MED23: variants seen among roughly 807,000 people sequenced by gnomAD.
MED23 encodes the protein mediator complex subunit 23.
In MED23, 105 loss-of-function variants were observed where a neutral mutation model predicts 163.9. That is an observed-to-expected ratio of 0.64 (90% CI 0.55 to 0.75). MED23 has a LOEUF of 0.75. Among genes scored for constraint, MED23 ranks in the 30% least tolerant of loss-of-function variants. The pLI is 0.00. For synonymous variants in MED23, 561 were observed against 565.6 expected (o/e 0.99, Z 0.12); for missense variants, 1,054 against 1,649.0 (o/e 0.64, Z 6.25).
At position 131,590,553 on chromosome 6, in the gene MED23, C is replaced by T. The variant is rs979223656; in HGVS notation, c.3687-111G>A. On this transcript the variant is annotated intron_variant, in intron 26 of 28. Coordinates refer to ENST00000368068, the MANE Select transcript of MED23 (RefSeq NM_004830.4). ...CAATAAAATATAATTTTTTAAAGTTCCTTTTAATTTGGTAACAATAATATT... is the reference window on the plus strand; with the variant it reads ...CAATAAAATATAATTTTTTAAAGTTTCTTTTAATTTGGTAACAATAATATT... 2.0e-5 allele frequency: 14 copies of T among 687,896 alleles called. No individual in the cohort carries two copies. In the African/African-American group the frequency reaches 2.2e-4, roughly 11 times the overall value. 42.6% of individuals were successfully genotyped at this position (687,896 alleles called of 1,614,324 possible).
In MED23 at chr6:131,592,953, C is replaced by A. The variant is rs562894778; in HGVS notation, c.3398+53G>T. 8.0e-5 allele frequency: 127 copies of A among 1,589,744 alleles called. 1 individual carries two copies. The South Asian group carries it at 1.3e-3, about 17-fold the overall frequency. ...GTCTTAAAAGTTTGAAATAGAATAC[C>A]ATTCTATTTACAAATAAACAACAAA... On this transcript the variant is annotated intron_variant, in intron 24 of 28. Transcript: ENST00000368068.
chr6:131,598,603 G>A lies in MED23; in HGVS notation c.2379C>T (p.Leu793=). The part of the protein sequence containing the change: ...QGSPPLFLCL[L]WKMLLETDHI... ...GATCTGTTTCCAAGAGCATTTTCCAGAGAAGACAAAGAAAGAGAGGAGGGG... is the reference window on the plus strand; with the variant it reads ...GATCTGTTTCCAAGAGCATTTTCCAAAGAAGACAAAGAAAGAGAGGAGGGG... Residue 793 remains leucine (L), a synonymous_variant, in exon 19 of 29, where the codon CTC becomes CTT. Transcript: ENST00000368068. This position sits in a 1 kb window ranked among gnomAD's most constrained non-coding sequence, Gnocchi z 4.7. 4 of 1,614,146 alleles carry A rather than the reference G, an allele frequency of 2.5e-6. No homozygotes were observed. The highest frequency in any genetic ancestry group is 3.4e-6 in the Non-Finnish European group (4 of 1,180,024).
intron 20 of MED23, among the ~76,000 whole-genome samples, chr6:131,597,814 A>T (rs1347427094): frequency 6.6e-6 from 1 of 152,186 alleles, no homozygotes; most frequent in Middle Eastern, 3.2e-3. Context: ...GGCTGGAAGC[A>T]GTAGCTCACG....
chr6:131,628,307 C>G, upstream of MED23: 2 of 534,566 alleles, frequency 3.7e-6, no homozygotes, highest in South Asian at 2.1e-5. Flanking sequence ...CAGAAGGTTC[C>G]GTCTGTGGAG....
At chr6:131,604,860 T>C (rs1775741588) in intron 14 of MED23, among the ~76,000 whole-genome samples, 1 of 152,172 alleles carries the variant, frequency 6.6e-6, no homozygotes, top group Admixed American at 6.5e-5. Context: ...AGTGGTTGTT[T>C]CAAATTTGAG....
downstream of MED23, chr6:131,583,892 T>C (rs73544627): frequency 1.8e-4 from 293 of 1,614,084 alleles, no homozygotes; most frequent in African/African-American, 3.5e-3. Flanking sequence ...ATTGACTACC[T>C]TAACCCACCT....
intron 10 of MED23, chr6:131,615,454 G>A: frequency 1.6e-6 from 1 of 636,380 alleles, no homozygotes; most frequent in East Asian, 6.0e-5. Flanking sequence ...CCCAGAGTCA[G>A]CACAAACCCT....
At position 131,591,405 on chromosome 6, in the gene MED23, C is replaced by G. The variant is rs774160315; in HGVS notation, c.3594G>C (p.Gln1198His). 1 of 1,613,810 alleles carries G rather than the reference C, an allele frequency of 6.2e-7. No individual in the cohort carries two copies. The highest frequency in any genetic ancestry group is 8.5e-7 in the Non-Finnish European group (1 of 1,179,802). The change falls in exon 26 of 29, where the codon CAG becomes CAC. Residue 1198 changes from glutamine to histidine, a missense_variant. By Grantham distance (24) the Gln-to-His change is conservative (BLOSUM62 0). This residue lies in a region of MED23 where 362 missense variants were observed against 471.6 expected (regional missense o/e 0.77). Coordinates refer to ENST00000368068, the MANE Select transcript of MED23 (RefSeq NM_004830.4). ...AGCTACAACTCATCTCAGAGTAGGA[C>G]TGATGACAGGCAGTGAAATCAAAGA... ...FRLFDFTACH[Q>H]SYSEMSCSYT...
At chr6:131,625,942 G>A (rs1476319705) in intron 3 of MED23, among the ~76,000 whole-genome samples, 1 of 151,754 alleles carries the variant, frequency 6.6e-6, no homozygotes, top group Non-Finnish European at 1.5e-5. Flanking sequence ...CTAACACGAT[G>A]AAACCCCGTC....
intron 5 of MED23, among the ~76,000 whole-genome samples, chr6:131,623,095 C>A (rs1309089097): frequency 6.6e-6 from 1 of 152,164 alleles, no homozygotes; most frequent in Non-Finnish European, 1.5e-5. Flanking sequence ...TGAAGGAACA[C>A]GGATTCTGCT....
intron 17 of MED23, among the ~76,000 whole-genome samples, chr6:131,601,839 TAATA>T (rs1234305726): frequency 9.9e-5 from 15 of 151,882 alleles, no homozygotes; most frequent in African/African-American, 1.9e-4. Flanking sequence ...AAAAACAAAT[TAATA>T]AATATTTTTA....
rs1777042713 is a variant in MED23 at position 131,620,805 on chromosome 6, T to C, written c.496-76A>G. On this transcript the variant is annotated intron_variant, in intron 6 of 28. Transcript: ENST00000368068. ...CCCTTTATTTTATTTATTATCATTA[T>C]TTTTTTTTTTTTTTGAGACAGGGTC... 9.0e-5 allele frequency: 18 copies of C among 199,304 alleles called. No homozygotes were observed. The East Asian group carries it at 2.5e-3, about 28-fold the overall frequency. The allele number at this position is 199,304 out of a possible 1,614,324, so 12.3% of individuals were successfully genotyped here. A position where few individuals can be genotyped will look rare whatever the true frequency, so the allele number is the denominator to read the frequency against.
intron 30 of MED23, among the ~76,000 whole-genome samples, chr6:131,578,631 G>C (rs76742143): frequency 0.02 from 3,004 of 151,578 alleles, 118 homozygotes; most frequent in African/African-American, 0.07. Context: ...TTGTGTGTCT[G>C]TGTGTGTGTG....
At chr6:131,604,854 G>T (rs1214344837) in intron 14 of MED23, among the ~76,000 whole-genome samples, 1 of 152,132 alleles carries the variant, frequency 6.6e-6, no homozygotes, top group East Asian at 1.9e-4. Context: ...CTATACAGTG[G>T]TTGTTTCAAA....
chr6:131,615,197 C>A (rs1776585089), intron 10 of MED23: 2 of 945,158 alleles, frequency 2.1e-6, no homozygotes, highest in Non-Finnish European at 3.2e-6. Context: ...TTTTAGTGGC[C>A]TTGGTCTCAG....
chr6:131,574,170 C>G, exon 31 of MED23: 2 of 1,243,082 alleles, frequency 1.6e-6, no homozygotes, highest in South Asian at 2.4e-5. Flanking sequence ...AAACAAAGAA[C>G]AAAATCAAAC....
At chr6:131,578,770 C>A (rs901025736) in intron 30 of MED23, among the ~76,000 whole-genome samples, 4 of 151,878 alleles carry the variant, frequency 2.6e-5, no homozygotes, top group Non-Finnish European at 5.9e-5. Flanking sequence ...AGCACATAAG[C>A]AGAGAGAGAC....
chr6:131,592,657 C>T, intron 24 of MED23, 197 bp from the exon 25 acceptor site: 1 of 616,046 alleles, frequency 1.6e-6, no homozygotes, highest in Non-Finnish European at 2.9e-6. Flanking sequence ...AAAAATACTT[C>T]CTCCCCAATC....
chr6:131,616,608 C>A (rs1315249585), intron 9 of MED23, among the ~76,000 whole-genome samples: 2 of 152,096 alleles, frequency 1.3e-5, no homozygotes, highest in Non-Finnish European at 2.9e-5. Flanking sequence ...CTCTTGAGCC[C>A]ATGAGTTTGA....
Sources: gnomAD v4.1 joint callset for allele counts (sites outside exome capture counted in the v4.1 genomes callset) on GRCh38, gnomAD v4.1.1 for gene constraint, gnomAD v4.1.1 regional missense constraint, Gnocchi (gnomAD v3.1) non-coding constraint, MANE v1.5 for transcripts, NCBI Gene and HGNC (gene_info 2026-07-23, HGNC 2026-07-21) for gene names.